Variants in PSPH observed in about 807,000 individuals in gnomAD.
PSPH encodes phosphoserine phosphatase.
PSPH carries 16 observed loss-of-function variants against 23.4 expected under a neutral mutation model. That is an observed-to-expected ratio of 0.68 (90% confidence interval 0.46 to 1.04). PSPH has a LOEUF of 1.04. PSPH is among the 50% of genes least tolerant of loss of function. The pLI, the probability that PSPH is intolerant of heterozygous loss-of-function variation, is 0.00. For synonymous variants in PSPH, 68 were observed against 99.7 expected (o/e 0.68, Z 1.89); for missense variants, 223 against 273.7 (o/e 0.81, Z 1.31).
At chr7:56,013,433 C>A (rs552673230) in intron 7 of PSPH, among the ~76,000 whole-genome samples, 3 of 152,008 alleles carry the variant, frequency 2.0e-5, no homozygotes, top group African/African-American at 4.8e-5. Context: ...ATGGGAAGAT[C>A]GCTTGGTCTG....
At chr7:56,015,292 A>G in intron 6 of PSPH, 121 bp from the exon 7 acceptor site, 1 of 1,086,730 alleles carries the variant, frequency 9.2e-7, no homozygotes, top group South Asian at 1.3e-5. Context: ...GGCCGTCGGT[A>G]AAGTCACACA....
At chr7:56,039,542 C>T (rs1437421205) in intron 1 of PSPH, among the ~76,000 whole-genome samples, 2 of 151,948 alleles carry the variant, frequency 1.3e-5, no homozygotes, top group Non-Finnish European at 2.9e-5. Flanking sequence ...CTTTGGGAGG[C>T]CAAGGCAGGC....
At chr7:56,035,096 T>G (rs1290359796) in intron 1 of PSPH, among the ~76,000 whole-genome samples, 2 of 152,064 alleles carry the variant, frequency 1.3e-5, no homozygotes, top group Non-Finnish European at 2.9e-5. Context: ...ATCCCAGCAC[T>G]TTGGGAGGCT....
chr7:56,019,461 T>A (rs1202536743), intron 5 of PSPH, 139 bp downstream of exon 5: 2 of 1,005,064 alleles, frequency 2.0e-6, no homozygotes, highest in Non-Finnish European at 2.6e-6. Context: ...TTTAAAAAAA[T>A]AATTAAAAAA....
At chr7:56,027,005 A>G (rs1321979805) in intron 3 of PSPH, among the ~76,000 whole-genome samples, 1 of 152,060 alleles carries the variant, frequency 6.6e-6, no homozygotes, top group Non-Finnish European at 1.5e-5. Flanking sequence ...TGGGAGTTCG[A>G]GACCAGCCTG....
chr7:56,013,091 A>ATT (rs1160267293), intron 7 of PSPH, among the ~76,000 whole-genome samples: 1 of 137,696 alleles, frequency 7.3e-6, no homozygotes, highest in African/African-American at 2.7e-5. Flanking sequence ...ATACACACAT[A>ATT]TATATACATA....
chr7:56,017,708 C>T (rs1337433409), intron 5 of PSPH, among the ~76,000 whole-genome samples: 2 of 135,370 alleles, frequency 1.5e-5, no homozygotes, highest in South Asian at 2.4e-4. Flanking sequence ...TGCCACCACA[C>T]CCAGTTACTT....
chr7:56,017,441 C>T (rs1359816106), intron 5 of PSPH, 62 bp from the exon 6 acceptor site: 30 of 1,274,174 alleles, frequency 2.4e-5, no homozygotes, highest in Non-Finnish European at 3.3e-5. Flanking sequence ...AAAAAAAAAA[C>T]GAAACATGAA....
At chr7:56,029,842 G>T (rs1790704810) in intron 3 of PSPH, among the ~76,000 whole-genome samples, 2 of 151,946 alleles carry the variant, frequency 1.3e-5, no homozygotes, top group African/African-American at 2.4e-5. Context: ...CCCGGGCATT[G>T]AAAGAGTACA....
intron 1 of PSPH, among the ~76,000 whole-genome samples, chr7:56,048,290 G>GAAAAAAAAAAAAAA (rs34876866): frequency 7.7e-6 from 1 of 130,142 alleles, no homozygotes. Flanking sequence ...TAAAAAATTT[G>GAAAAAAAAAAAAAA]AAAAAAAAAA....
intron 3 of PSPH, among the ~76,000 whole-genome samples, chr7:56,025,920 TACACC>T (rs1196608116): frequency 6.6e-6 from 1 of 152,084 alleles, no homozygotes; most frequent in African/African-American, 2.4e-5. Flanking sequence ...TTTATTCCTC[TACACC>T]ATTTCAAATG....
Position 56,017,785 on chromosome 7 carries a change from C to T in PSPH, c.276-406G>A, listed in dbSNP as rs189120143. Among the ~76,000 whole-genome samples the T allele has an allele frequency of 5.3e-4, 76 of 144,550 alleles. No individual in the cohort carries two copies. The East Asian group carries it at 0.015, about 28-fold the overall frequency. 94.8% of individuals were successfully genotyped at this position (144,550 alleles called of 152,430 possible). ...GTCATCAGGCTGGAGTGCAGTGGTGCGATCTCAGCTCACTGCAACCTCCTC... is the reference window on the plus strand; with the variant it reads ...GTCATCAGGCTGGAGTGCAGTGGTGTGATCTCAGCTCACTGCAACCTCCTC... On this transcript the variant is annotated intron_variant, in intron 5 of 7. Coordinates refer to ENST00000275605, the MANE Select transcript of PSPH (RefSeq NM_004577.4).
In PSPH at chr7:56,025,356, C is replaced by A. The variant is rs369683525; in HGVS notation, c.-19-4125G>T. 1.2e-4 allele frequency among the ~76,000 whole-genome samples: 19 copies of A among 152,126 alleles called. No homozygotes were observed. The South Asian group carries it at 3.7e-3, about 30-fold the overall frequency. On this transcript the variant is annotated intron_variant, in intron 3 of 7. Transcript: ENST00000275605. ...GCAGTGGTGCAATCTCAGCTCACTG[C>A]AACCTCTGCCTCCCTGGCTCAGCCT... is the stretch of plus-strand genomic sequence containing the variant.
rs190990779 is a variant in PSPH at position 56,048,829 on chromosome 7, A to G, written c.-292+2309T>C. 2.9e-3 allele frequency among the ~76,000 whole-genome samples: 428 copies of G among 145,970 alleles called. 1 individual carries two copies. Among genetic ancestry groups the G allele is most frequent in the Non-Finnish European group, 4.8e-3 (324 of 67,008 alleles). On this transcript the variant is annotated intron_variant, in intron 1 of 7. Coordinates refer to ENST00000275605, the MANE Select transcript of PSPH (RefSeq NM_004577.4). ...TTTTTTTTGCTTTAAGTTCAGGGATATATGTGCAGAATGAGCAGTTTTGTT... is the reference window on the plus strand; with the variant it reads ...TTTTTTTTGCTTTAAGTTCAGGGATGTATGTGCAGAATGAGCAGTTTTGTT...
At chr7:56,041,934 A>C (rs1440069233) in intron 1 of PSPH, among the ~76,000 whole-genome samples, 3 of 150,312 alleles carry the variant, frequency 2.0e-5, no homozygotes, top group Non-Finnish European at 1.5e-5. Flanking sequence ...AAAAAAAAAA[A>C]GATCTGGACC....
At chr7:56,048,300 A>G (rs1291044829) in intron 1 of PSPH, among the ~76,000 whole-genome samples, 2 of 152,004 alleles carry the variant, frequency 1.3e-5, no homozygotes, top group African/African-American at 2.4e-5. Flanking sequence ...GAAAAAAAAA[A>G]AAAAAATCAT....
At chr7:56,013,979 C>G (rs1300536243) in intron 7 of PSPH, among the ~76,000 whole-genome samples, 7 of 151,778 alleles carry the variant, frequency 4.6e-5, no homozygotes, top group Non-Finnish European at 8.8e-5. Context: ...AACACAAAAT[C>G]TTAGCTGGGT....
chr7:56,028,917 C>T (rs1332273178), intron 3 of PSPH, among the ~76,000 whole-genome samples: 1 of 152,044 alleles, frequency 6.6e-6, no homozygotes, highest in Non-Finnish European at 1.5e-5. Flanking sequence ...CTCCCAGGTT[C>T]AAGCGATTCT....
At chr7:56,048,494 C>A (rs544342824) in intron 1 of PSPH, among the ~76,000 whole-genome samples, 2 of 152,230 alleles carry the variant, frequency 1.3e-5, no homozygotes, top group Admixed American at 6.5e-5. Flanking sequence ...ATAGAAGATT[C>A]ATGACATAAT....
Sources: gnomAD v4.1 joint callset for allele counts (sites outside exome capture counted in the v4.1 genomes callset) on GRCh38, gnomAD v4.1.1 for gene constraint, MANE v1.5 for transcripts, NCBI Gene and HGNC (gene_info 2026-07-23, HGNC 2026-07-21) for gene names.